The following ZFAND3 variants were observed in gnomAD, a reference collection of about 807,000 sequenced individuals.
ZFAND3 encodes the protein AN1-type zinc finger protein 3.
A neutral mutation model predicts 29.6 loss-of-function variants in ZFAND3; 10 were observed. The ratio of observed to expected loss-of-function variants is 0.34; its 90% CI spans 0.21 to 0.57. The LOEUF is 0.57. Ranked by LOEUF, ZFAND3 falls within the 20% of genes least tolerant of loss-of-function variation. The pLI is 0.86. For missense variants in ZFAND3, 230 were observed against 304.5 expected (o/e 0.76, Z 1.82); for synonymous variants, 128 against 112.6 (o/e 1.14, Z -0.87).
intron 1 of ZFAND3, among the ~76,000 whole-genome samples, chr6:37,847,818 G>A (rs952921603): frequency 1.3e-5 from 2 of 152,146 alleles, no homozygotes; most frequent in African/African-American, 4.8e-5. Context: ...AAGTATTTTT[G>A]TGTGAAAATT....
At chr6:37,858,913 C>T (rs1764431080) in intron 1 of ZFAND3, among the ~76,000 whole-genome samples, 1 of 152,202 alleles carries the variant, frequency 6.6e-6, no homozygotes, top group African/African-American at 2.4e-5. Flanking sequence ...TTTCTTTATA[C>T]TAGAAGAGCT....
intron 5 of ZFAND3, 148 bp downstream of exon 5, chr6:38,116,887 G>A: frequency 3.9e-6 from 4 of 1,025,634 alleles, no homozygotes; most frequent in Non-Finnish European, 5.5e-6. Context: ...TTTGGGGCTT[G>A]AGAAATCAGG....
intron 2 of ZFAND3, among the ~76,000 whole-genome samples, chr6:38,056,763 T>C (rs1046617904): frequency 1.3e-5 from 2 of 152,232 alleles, no homozygotes; most frequent in Admixed American, 6.5e-5. Context: ...TAGGTCACTT[T>C]ATCTTCTGGA....
intron 1 of ZFAND3, among the ~76,000 whole-genome samples, chr6:37,834,511 T>C (rs1464731130): frequency 6.6e-6 from 1 of 152,198 alleles, no homozygotes; most frequent in African/African-American, 2.4e-5. Context: ...TTTGGTTACA[T>C]ACCAAGGAAC....
At chr6:38,021,690 T>C (rs1320386378) in intron 2 of ZFAND3, among the ~76,000 whole-genome samples, 3 of 152,220 alleles carry the variant, frequency 2.0e-5, no homozygotes, top group Admixed American at 1.3e-4. Flanking sequence ...TTAATACTTT[T>C]CCTCTTCACC....
At position 37,884,686 on chromosome 6, in the gene ZFAND3, A is replaced by G. The variant is rs558470780; in HGVS notation, c.72-45273A>G. 4.8e-5 allele frequency among the ~76,000 whole-genome samples: 7 copies of G among 144,826 alleles called. No homozygotes were observed. The East Asian group carries it at 1.4e-3, about 28-fold the overall frequency. On this transcript the variant is annotated intron_variant, in intron 1 of 5. Coordinates refer to ENST00000287218, the MANE Select transcript of ZFAND3 (RefSeq NM_021943.3). ...ACTCTAAATATCAAGTGGCAGGGCA[A>G]GATTACCAACAAGTACATTAGATTG...
Position 38,144,229 on chromosome 6 carries a change from ATATT to A in ZFAND3, c.530-8004_530-8001del, listed in dbSNP as rs1562016215. ...TATATATAATATATAATATATATAT[ATATT>A]TTTTTTTTAATAAGGTTGCTTGATC... On this transcript the variant is annotated intron_variant, in intron 5 of 5. Transcript: ENST00000287218. 5.3e-3 allele frequency among the ~76,000 whole-genome samples: 624 copies of A among 116,916 alleles called. 19 individuals carry two copies. The highest frequency in any genetic ancestry group is 0.02 in the African/African-American group (581 of 28,454). The allele number at this position is 116,916 out of a possible 152,430, so 76.7% of individuals were successfully genotyped here. A position where few individuals can be genotyped will look rare whatever the true frequency, so the allele number is the denominator to read the frequency against.
chr6:37,920,912 T>C (rs1761365167), intron 1 of ZFAND3, among the ~76,000 whole-genome samples: 1 of 152,190 alleles, frequency 6.6e-6, no homozygotes. Context: ...AGCTGTTGGC[T>C]GCTTCCTGGC....
intron 2 of ZFAND3, among the ~76,000 whole-genome samples, chr6:37,993,477 C>G (rs2127436430): frequency 6.6e-6 from 1 of 152,262 alleles, no homozygotes; most frequent in South Asian, 2.1e-4. Context: ...CAGGCGCGTG[C>G]CACCATGCCT....
intron 2 of ZFAND3, among the ~76,000 whole-genome samples, chr6:37,951,792 C>G (rs533355718): frequency 5.3e-5 from 8 of 152,118 alleles, no homozygotes; most frequent in East Asian, 1.9e-4. Flanking sequence ...GGAAATACTT[C>G]TAGTTTTTGC....
At position 37,883,548 on chromosome 6, in the gene ZFAND3, C is replaced by CT. The variant is rs1217326869; in HGVS notation, c.72-46399dup. 9.4e-4 allele frequency among the ~76,000 whole-genome samples: 94 copies of CT among 100,518 alleles called. 3 individuals are homozygous for CT. Among genetic ancestry groups the CT allele is most frequent in the South Asian group, 1.6e-3 (6 of 3,854 alleles). 65.9% of individuals were successfully genotyped at this position (100,518 alleles called of 152,430 possible). A position where few individuals can be genotyped will look rare whatever the true frequency, so the allele number is the denominator to read the frequency against. ...TGTATACCTTTTCTTTTCTTTCTTT[C>CT]TTTTTTTTTTTTGAGACGGAGTCTC... On this transcript the variant is annotated intron_variant, in intron 1 of 5. Coordinates refer to ENST00000287218, the MANE Select transcript of ZFAND3 (RefSeq NM_021943.3).
intron 2 of ZFAND3, among the ~76,000 whole-genome samples, chr6:37,934,403 C>T (rs112030842): frequency 4.0e-5 from 6 of 151,822 alleles, no homozygotes; most frequent in African/African-American, 9.7e-5. Flanking sequence ...AGGATAACTA[C>T]GACACTTACA....
At chr6:37,852,661 G>T (rs915437306) in intron 1 of ZFAND3, among the ~76,000 whole-genome samples, 9 of 150,982 alleles carry the variant, frequency 6.0e-5, no homozygotes, top group Non-Finnish European at 1.3e-4. Context: ...TGTTAATTTA[G>T]ACTAATCATA....
chr6:38,143,780 A>G (rs1407759021), intron 5 of ZFAND3, among the ~76,000 whole-genome samples: 1 of 152,186 alleles, frequency 6.6e-6, no homozygotes, highest in Admixed American at 6.5e-5. Flanking sequence ...TATGTCAGCC[A>G]ACTCAGCAAG....
chr6:38,144,203 A>AT (rs1554183977), intron 5 of ZFAND3, among the ~76,000 whole-genome samples: 1 of 45,360 alleles, frequency 2.2e-5, no homozygotes, highest in African/African-American at 1.4e-4. Flanking sequence ...ATATATATAT[A>AT]TATATATAAT....
intron 5 of ZFAND3, among the ~76,000 whole-genome samples, chr6:38,137,612 TAAAC>T (rs1279037912): frequency 6.6e-6 from 1 of 152,070 alleles, no homozygotes; most frequent in Non-Finnish European, 1.5e-5. Flanking sequence ...AGGGAACAGA[TAAAC>T]AAGGTAATTT....
chr6:38,079,212 C>T (rs920241688), intron 3 of ZFAND3, among the ~76,000 whole-genome samples: 27 of 152,180 alleles, frequency 1.8e-4, no homozygotes, highest in African/African-American at 5.6e-4. Flanking sequence ...TCTAAGCTCT[C>T]TGTTTATAAC....
chr6:37,958,876 C>T (rs1047505802), intron 2 of ZFAND3, among the ~76,000 whole-genome samples: 1 of 152,136 alleles, frequency 6.6e-6, no homozygotes, highest in Non-Finnish European at 1.5e-5. Context: ...ATTTTCCAAA[C>T]TTTAAGATGA....
At chr6:38,031,930 C>T (rs1021877829) in intron 2 of ZFAND3, among the ~76,000 whole-genome samples, 3 of 151,688 alleles carry the variant, frequency 2.0e-5, no homozygotes, top group African/African-American at 7.3e-5. Context: ...CTCCTGGACC[C>T]AAGTGATCTT....
Sources: gnomAD v4.1 joint callset for allele counts (sites outside exome capture counted in the v4.1 genomes callset) on GRCh38, gnomAD v4.1.1 for gene constraint, MANE v1.5 for transcripts, NCBI Gene and HGNC (gene_info 2026-07-23, HGNC 2026-07-21) for gene names.